The following ASTN2 variants were observed in gnomAD, a reference collection of about 807,000 sequenced individuals.
ASTN2 encodes astrotactin 2.
Under a neutral mutation model 139.8 loss-of-function variants are expected in ASTN2, and 54 were observed. That is an observed-to-expected ratio of 0.39 (90% CI 0.31 to 0.48). The LOEUF (loss-of-function observed/expected upper bound fraction) is 0.48, where lower values mean the gene tolerates loss of function less well. Ranked by LOEUF, ASTN2 falls within the 20% of genes least tolerant of loss-of-function variation. The pLI is 0.95. For missense variants in ASTN2, 1,565 were observed against 1,725.1 expected (o/e 0.91, Z 1.64); for synonymous variants, 756 against 719.5 (o/e 1.05, Z -0.81).
In ASTN2 at chr9:117,308,489, A is replaced by G. The variant is rs141217484; in HGVS notation, c.443-16976T>C. Among the ~76,000 whole-genome samples the G allele has an allele frequency of 8.2e-3, 1,247 of 152,222 alleles. 21 individuals are homozygous for G. The highest frequency in any genetic ancestry group is 0.028 in the African/African-American group (1,174 of 41,526). ...TTGCCTCAAAGCATTTTAAAAACTC[A>G]GGAGAATCTGGAAGGAAGCAGGATG... On this transcript the variant is annotated intron_variant, in intron 1 of 22. Transcript: ENST00000313400.
chr9:116,478,820 C>A (rs1378174614), intron 20 of ASTN2, among the ~76,000 whole-genome samples: 1 of 151,612 alleles, frequency 6.6e-6, no homozygotes, highest in African/African-American at 2.4e-5. Context: ...GGTGAAACCC[C>A]ATCTCTACTA....
At chr9:116,906,138 C>T (rs181084827) in intron 10 of ASTN2, among the ~76,000 whole-genome samples, 3 of 152,082 alleles carry the variant, frequency 2.0e-5, no homozygotes, top group East Asian at 1.9e-4. Context: ...TTGCAAGGAC[C>T]CTGCCCCCAA....
intron 6 of ASTN2, among the ~76,000 whole-genome samples, chr9:117,014,516 C>T (rs1010912647): frequency 6.6e-6 from 1 of 152,122 alleles, no homozygotes; most frequent in Non-Finnish European, 1.5e-5. Flanking sequence ...CCTTCCACTC[C>T]CAGCTCTTTC....
chr9:117,048,497 T>C (rs995901194), intron 5 of ASTN2, among the ~76,000 whole-genome samples: 1 of 152,144 alleles, frequency 6.6e-6, no homozygotes, highest in African/African-American at 2.4e-5. Flanking sequence ...CAGGCCTAGA[T>C]TGTGGCTGCC....
intron 16 of ASTN2, among the ~76,000 whole-genome samples, chr9:116,683,596 C>A (rs1208521568): frequency 6.6e-6 from 1 of 152,172 alleles, no homozygotes; most frequent in Non-Finnish European, 1.5e-5. Context: ...AACTTCTAGG[C>A]TTCTCACAGA....
intron 13 of ASTN2, among the ~76,000 whole-genome samples, chr9:116,786,830 T>C (rs772472995): frequency 6.6e-6 from 1 of 152,022 alleles, no homozygotes; most frequent in Non-Finnish European, 1.5e-5. Context: ...CAGGTGAAGA[T>C]AATTGAGTCA....
chr9:117,104,934 C>A (rs1036208750), intron 4 of ASTN2, among the ~76,000 whole-genome samples: 1 of 152,070 alleles, frequency 6.6e-6, no homozygotes, highest in African/African-American at 2.4e-5. Flanking sequence ...CCAATTTATC[C>A]CTGAATTTTG....
rs765139354 is a variant in ASTN2 at position 116,618,370 on chromosome 9, C to T, written c.3309G>A (p.Leu1103=). 1.9e-6 allele frequency: 3 copies of T among 1,614,030 alleles called. No individual in the cohort carries two copies. Among genetic ancestry groups the T allele is most frequent in the East Asian group, 4.5e-5 (2 of 44,898 alleles). ...AIGTKVSDYI[L]QHKKVDEYTD... is the part of the protein sequence containing the mutation. ...TGTATTCATCCACTTTCTTATGCTG[C>T]AGAATATAGTCGGAGACCTTGGTCC... Residue 1103 remains leucine, a synonymous_variant, in exon 19 of 23, where the codon CTG becomes CTA. Coordinates refer to ENST00000313400, the MANE Select transcript of ASTN2 (RefSeq NM_001365068.1).
At chr9:116,997,181 T>C (rs184351534) in intron 7 of ASTN2, among the ~76,000 whole-genome samples, 147 of 152,300 alleles carry the variant, frequency 9.7e-4, no homozygotes, top group Middle Eastern at 3.4e-3. Flanking sequence ...ATAGTCTCTT[T>C]TGTAGTTTAC....
intron 1 of ASTN2, among the ~76,000 whole-genome samples, chr9:117,369,516 T>C (rs1829935390): frequency 6.6e-6 from 1 of 152,126 alleles, no homozygotes; most frequent in African/African-American, 2.4e-5. Flanking sequence ...AGACCCTGCC[T>C]GCCTGACCCC....
In ASTN2 at chr9:117,414,364, C is replaced by T. The variant is rs906129006; in HGVS notation, c.442+133G>A. On this transcript the variant is annotated intron_variant, in intron 1 of 22. Coordinates refer to ENST00000313400, the MANE Select transcript of ASTN2 (RefSeq NM_001365068.1). The surrounding 1 kb of genome is among the most constrained non-coding windows in gnomAD (Gnocchi z 4.2). ...CCAACCACCTGTGCGACCTCTGGGC[C>T]CCTCCTCTACCCTCTGCCAACCCCA... The T allele has an allele frequency of 1.4e-5, 19 of 1,390,580 alleles. No individual in the cohort carries two copies. Among genetic ancestry groups the T allele is most frequent in the Non-Finnish European group, 1.7e-5 (18 of 1,056,142 alleles). The allele number at this position is 1,390,580 out of a possible 1,614,324, so 86.1% of individuals were successfully genotyped here.
chr9:117,146,724 A>G (rs1023476472), intron 3 of ASTN2, among the ~76,000 whole-genome samples: 71 of 152,276 alleles, frequency 4.7e-4, no homozygotes, highest in African/African-American at 1.6e-3. Flanking sequence ...CAATGAGTGC[A>G]CCAAAATCCC....
intron 10 of ASTN2, among the ~76,000 whole-genome samples, chr9:116,881,100 G>A (rs36073108): frequency 1.2e-3 from 180 of 152,274 alleles, no homozygotes; most frequent in Non-Finnish European, 2.2e-3. Context: ...GCTGCTAGAC[G>A]ACAGCACAAA....
intron 15 of ASTN2, among the ~76,000 whole-genome samples, chr9:116,726,207 G>A (rs555499457): frequency 4.3e-4 from 65 of 152,116 alleles, no homozygotes; most frequent in Admixed American, 6.5e-4. Flanking sequence ...ACTCAGCAAC[G>A]TAGACCATGG....
intron 11 of ASTN2, among the ~76,000 whole-genome samples, chr9:116,852,520 T>C (rs966239991): frequency 6.6e-6 from 1 of 152,156 alleles, no homozygotes; most frequent in Non-Finnish European, 1.5e-5. Context: ...GGCTATTGAG[T>C]GTTTGATGAA....
chr9:117,255,473 C>T (rs938872412), intron 2 of ASTN2, among the ~76,000 whole-genome samples: 1 of 152,192 alleles, frequency 6.6e-6, no homozygotes, highest in Non-Finnish European at 1.5e-5. Context: ...AGCCTAAGGT[C>T]ATACATTGAT....
chr9:117,230,603 C>T (rs1050721716), intron 2 of ASTN2, among the ~76,000 whole-genome samples: 2 of 152,120 alleles, frequency 1.3e-5, no homozygotes, highest in East Asian at 3.8e-4. Context: ...TATTAAACCC[C>T]GTACACTGAG....
At position 116,567,705 on chromosome 9, in the gene ASTN2, T is replaced by C. The variant is rs61208231; in HGVS notation, c.3355+50619A>G. Among the ~76,000 whole-genome samples the C allele has an allele frequency of 4.6e-5, 7 of 152,180 alleles. No individual in the cohort carries two copies. The East Asian group carries it at 1.4e-3, about 29-fold the overall frequency. On this transcript the variant is annotated intron_variant, in intron 19 of 22. Transcript: ENST00000313400. ...ACATAAAGTAGTGGTGTGGGAACTA[T>C]TTCACGAAGAAGATGAAGGAAGGAC...
At chr9:117,156,997 C>G (rs1450045265) in intron 3 of ASTN2, among the ~76,000 whole-genome samples, 1 of 152,004 alleles carries the variant, frequency 6.6e-6, no homozygotes, top group African/African-American at 2.4e-5. Flanking sequence ...CACAGACATA[C>G]AGACATACAC....
Sources: gnomAD v4.1 joint callset for allele counts (sites outside exome capture counted in the v4.1 genomes callset) on GRCh38, gnomAD v4.1.1 for gene constraint, Gnocchi (gnomAD v3.1) non-coding constraint, MANE v1.5 for transcripts, NCBI Gene and HGNC (gene_info 2026-07-23, HGNC 2026-07-21) for gene names.